NEDD9: variants seen among roughly 807,000 people sequenced by gnomAD.
The protein encoded by NEDD9 is enhancer of filamentation 1.
NEDD9 carries 26 observed loss-of-function variants against 76.6 expected under a neutral mutation model. That is an observed-to-expected ratio of 0.34 (90% CI 0.25 to 0.47). The LOEUF is 0.47. Ranked by LOEUF, NEDD9 falls within the 20% of genes least tolerant of loss-of-function variation. NEDD9 has a pLI of 1.00. For synonymous variants in NEDD9, 392 were observed against 414.2 expected (o/e 0.95, Z 0.65); for missense variants, 937 against 1,058.5 (o/e 0.89, Z 1.59).
At chr6:11,302,656 G>T (rs1006463532) in intron 3 of NEDD9, among the ~76,000 whole-genome samples, 3 of 152,172 alleles carry the variant, frequency 2.0e-5, no homozygotes, top group African/African-American at 4.8e-5. Context: ...ACATCAAAAA[G>T]CTTATCCACC....
intron 2 of NEDD9, among the ~76,000 whole-genome samples, chr6:11,314,793 C>G (rs1163998122): frequency 6.6e-6 from 1 of 152,202 alleles, no homozygotes; most frequent in Non-Finnish European, 1.5e-5. Flanking sequence ...GCTCGACTCT[C>G]AGGTGTGCAA....
chr6:11,255,590 C>T (rs1159442312), intron 3 of NEDD9, among the ~76,000 whole-genome samples: 6 of 152,052 alleles, frequency 3.9e-5, no homozygotes, highest in Non-Finnish European at 5.9e-5. Flanking sequence ...AAGCTTGGGG[C>T]ATCCAAGGAA....
chr6:11,240,042 CAAAA>C (rs144360623), intron 3 of NEDD9, among the ~76,000 whole-genome samples: 129 of 92,040 alleles, frequency 1.4e-3, no homozygotes, highest in African/African-American at 4.7e-3. Flanking sequence ...GACTTCATCT[CAAAA>C]AAAAAAAAAA....
chr6:11,221,732 T>C (rs73723920), intron 1 of NEDD9, among the ~76,000 whole-genome samples: 6,553 of 152,218 alleles, frequency 0.043, 441 homozygotes, highest in African/African-American at 0.15. Context: ...TTTTGATAGA[T>C]TTCAGTACAG....
Position 11,213,647 on chromosome 6 carries a change from G to T in NEDD9, c.93C>A (p.Thr31=). Reference sequence around the variant, plus strand: ...GTCCCCCTGTGTTCTGCTCTATGACGGTCAGGATGTCTCCCTTGCGAAAGG... The same window carrying T: ...GTCCCCCTGTGTTCTGCTCTATGACTGTCAGGATGTCTCCCTTGCGAAAGG... The part of the protein sequence containing the change: ...ELAFRKGDIL[T]VIEQNTGGLE... The change falls in exon 2 of 7, where the codon ACC becomes ACA. Residue 31 remains threonine, a synonymous_variant. Coordinates refer to ENST00000379446, the MANE Select transcript of NEDD9 (RefSeq NM_006403.4). The surrounding 1 kb of genome is among the most constrained non-coding windows in gnomAD (Gnocchi z 5.4). 1 of 1,614,088 alleles carries T rather than the reference G, an allele frequency of 6.2e-7. No individual in the cohort carries two copies. Among genetic ancestry groups the T allele is most frequent in the Non-Finnish European group, 8.5e-7 (1 of 1,180,006 alleles).
intron 2 of NEDD9, among the ~76,000 whole-genome samples, chr6:11,324,132 G>T (rs1372242143): frequency 6.6e-6 from 1 of 152,188 alleles, no homozygotes; most frequent in Non-Finnish European, 1.5e-5. Context: ...GGTTTCCGAT[G>T]CCCCTTTGCT....
chr6:11,287,877 T>G (rs76417717), intron 3 of NEDD9, among the ~76,000 whole-genome samples: 361 of 152,304 alleles, frequency 2.4e-3, no homozygotes, highest in Non-Finnish European at 3.7e-3. Flanking sequence ...ACTGTCTTTA[T>G]CACCTAACAA....
At chr6:11,188,346 C>T in intron 5 of NEDD9, 39 bp from the exon 6 acceptor site, 1 of 1,457,674 alleles carries the variant, frequency 6.9e-7, no homozygotes, top group Non-Finnish European at 9.6e-7. Flanking sequence ...TATGTCATCA[C>T]TGTGATTCAC....
intron 3 of NEDD9, among the ~76,000 whole-genome samples, chr6:11,277,898 C>T (rs961981024): frequency 6.6e-6 from 1 of 152,176 alleles, no homozygotes; most frequent in East Asian, 1.9e-4. Context: ...TCCCACCCAC[C>T]CAGATTCATT....
chr6:11,257,912 A>T (rs1760036758), intron 3 of NEDD9, among the ~76,000 whole-genome samples: 3 of 151,846 alleles, frequency 2.0e-5, no homozygotes, highest in Non-Finnish European at 4.4e-5. Context: ...CCTTATGTCC[A>T]TCTCTTGTTT....
chr6:11,221,273 C>A (rs986921597), intron 1 of NEDD9, among the ~76,000 whole-genome samples: 1 of 151,740 alleles, frequency 6.6e-6, no homozygotes, highest in Non-Finnish European at 1.5e-5. Context: ...GTTTCAGTTA[C>A]TCGGGAGGCT....
intron 2 of NEDD9, among the ~76,000 whole-genome samples, chr6:11,313,201 A>G (rs1014507534): frequency 7.9e-5 from 12 of 151,440 alleles, no homozygotes; most frequent in East Asian, 1.9e-4. Context: ...GGATGGATCA[A>G]TGGGTAGATA....
intron 3 of NEDD9, among the ~76,000 whole-genome samples, chr6:11,290,524 C>T (rs370382533): frequency 4.6e-5 from 7 of 152,264 alleles, no homozygotes; most frequent in African/African-American, 1.7e-4. Context: ...TTGAGGTATT[C>T]ATCTGTGCAG....
At position 11,184,993 on chromosome 6, in the gene NEDD9, C is replaced by A; in HGVS notation, c.*169G>T. 2.4e-6 allele frequency: 2 copies of A among 835,008 alleles called. No homozygotes were observed. Among genetic ancestry groups the A allele is most frequent in the Non-Finnish European group, 3.5e-6 (2 of 567,684 alleles). The allele number at this position is 835,008 out of a possible 1,614,324, so 51.7% of individuals were successfully genotyped here. On this transcript the variant is annotated 3_prime_UTR_variant, in exon 7 of 7. Transcript: ENST00000379446. ...ACTCAGGGGGAAAAAAAAAGATTTC[C>A]CTCTCCAGCTCCCTGAATTTCTGAA... is the stretch of plus-strand genomic sequence containing the variant.
At chr6:11,297,226 C>A (rs1760922170) in intron 3 of NEDD9, among the ~76,000 whole-genome samples, 1 of 151,194 alleles carries the variant, frequency 6.6e-6, no homozygotes, top group South Asian at 2.1e-4. Flanking sequence ...TAACTACCAG[C>A]TCTTTGAAAA....
At position 11,232,494 on chromosome 6, in the gene NEDD9, A is replaced by G. The variant is rs761074858; in HGVS notation, c.12+10T>C. On this transcript the variant is annotated intron_variant, in intron 1 of 6. Coordinates refer to ENST00000379446, the MANE Select transcript of NEDD9 (RefSeq NM_006403.4). ...GCTTGCAAGGTAACCTGTAAAAGGC[A>G]CTCTCTTACCTTATACTTCATTTCG... is the stretch of plus-strand genomic sequence containing the variant. 6.8e-6 allele frequency: 11 copies of G among 1,613,950 alleles called. No homozygotes were observed. In the Admixed American group the frequency reaches 1.8e-4, roughly 27 times the overall value.
intron 3 of NEDD9, among the ~76,000 whole-genome samples, chr6:11,282,494 C>T (rs1381395365): frequency 6.6e-6 from 1 of 152,212 alleles, no homozygotes. Flanking sequence ...ACTGCCTGCT[C>T]AACATGAACC....
At chr6:11,200,567 C>T (rs1758418463) in intron 2 of NEDD9, 1 of 1,083,818 alleles carries the variant, frequency 9.2e-7, no homozygotes, top group Non-Finnish European at 1.1e-6. Flanking sequence ...GATCTCAAGG[C>T]TGTTTCCTTT....
Position 11,188,206 on chromosome 6 carries a change from G to C in NEDD9, c.1995+12C>G. Reference sequence around the variant, plus strand: ...TCCAATGCCAAGCAGTTTTTGCTCTGATTGAACTTACCTGATGATGTTCCA... The same window carrying C: ...TCCAATGCCAAGCAGTTTTTGCTCTCATTGAACTTACCTGATGATGTTCCA... On this transcript the variant is annotated intron_variant, in intron 6 of 6. Transcript: ENST00000379446. 1 of 1,611,304 alleles carries C rather than the reference G, an allele frequency of 6.2e-7. No individual in the cohort carries two copies. Among genetic ancestry groups the C allele is most frequent in the Non-Finnish European group, 8.5e-7 (1 of 1,177,424 alleles).
Sources: gnomAD v4.1 joint callset for allele counts (sites outside exome capture counted in the v4.1 genomes callset) on GRCh38, gnomAD v4.1.1 for gene constraint, Gnocchi (gnomAD v3.1) non-coding constraint, MANE v1.5 for transcripts, NCBI Gene and HGNC (gene_info 2026-07-23, HGNC 2026-07-21) for gene names.